Variants in WRN observed in about 807,000 individuals in gnomAD.
The protein encoded by WRN is WRN RecQ like helicase, also known as bifunctional 3'-5' exonuclease/ATP-dependent helicase WRN.
A neutral mutation model predicts 180.7 loss-of-function variants in WRN; 149 were observed. The ratio of observed to expected loss-of-function variants is 0.82; its 90% CI spans 0.72 to 0.94. The LOEUF (loss-of-function observed/expected upper bound fraction) is 0.94, where lower values mean the gene tolerates loss of function less well. Ranked by LOEUF, WRN falls within the 40% of genes least tolerant of loss-of-function variation. The pLI, the probability that WRN is intolerant of heterozygous loss-of-function variation, is 0.00. For synonymous variants in WRN, 548 were observed against 568.9 expected (o/e 0.96, Z 0.52); for missense variants, 1,661 against 1,700.1 (o/e 0.98, Z 0.40).
chr8:31,062,244 C>T (rs1293399052), intron 3 of WRN, among the ~76,000 whole-genome samples: 1 of 151,988 alleles, frequency 6.6e-6, no homozygotes, highest in African/African-American at 2.4e-5. Context: ...GTCTGGCCTC[C>T]CTTGTTATAT....
intron 28 of WRN, among the ~76,000 whole-genome samples, chr8:31,145,566 GT>G (rs1802826729): frequency 6.6e-6 from 1 of 152,160 alleles, no homozygotes; most frequent in Non-Finnish European, 1.5e-5. Context: ...GACTAACGTT[GT>G]TTTCATGCCT....
intron 1 of WRN, among the ~76,000 whole-genome samples, chr8:31,041,883 C>G (rs952693585): frequency 2.0e-5 from 3 of 152,112 alleles, no homozygotes; most frequent in Admixed American, 1.3e-4. Flanking sequence ...CAGAGTAGGT[C>G]AAGAGTTCTT....
At chr8:31,039,223 G>T (rs1368539026) in intron 1 of WRN, among the ~76,000 whole-genome samples, 1 of 152,110 alleles carries the variant, frequency 6.6e-6, no homozygotes. Context: ...CCATTTATTT[G>T]TGTTTTCTTT....
In WRN at chr8:31,088,905, C is replaced by CA; in HGVS notation, c.1593dup (p.Pro532ThrfsTer3). The CA allele has an allele frequency of 1.9e-6, 3 of 1,610,996 alleles. No homozygotes were observed. Among genetic ancestry groups the CA allele is most frequent in the Non-Finnish European group, 2.5e-6 (3 of 1,178,444 alleles). ...TTATTTCCAGACTTTTTGTGGCCAG[C>CA]ACCCAATGAAGAGCAAGTTACTTGC... On this transcript the variant is annotated frameshift_variant, in exon 13 of 35. Transcript: ENST00000298139. LOFTEE classifies it high-confidence loss of function.
intron 1 of WRN, among the ~76,000 whole-genome samples, chr8:31,036,403 G>T (rs561745801): frequency 6.6e-6 from 1 of 152,088 alleles, no homozygotes; most frequent in Non-Finnish European, 1.5e-5. Context: ...TGCTGGACCC[G>T]CTTGTAGTTC....
At chr8:31,113,444 A>G (rs1801395756) in intron 19 of WRN, among the ~76,000 whole-genome samples, 1 of 152,172 alleles carries the variant, frequency 6.6e-6, no homozygotes, top group Non-Finnish European at 1.5e-5. Flanking sequence ...TGTTCTGGCC[A>G]TTCTAGTGCT....
At chr8:31,050,913 A>C (rs1812054189) in intron 1 of WRN, among the ~76,000 whole-genome samples, 1 of 152,152 alleles carries the variant, frequency 6.6e-6, no homozygotes, top group South Asian at 2.1e-4. Context: ...ATTAACCTTT[A>C]CATATTTTGA....
intron 1 of WRN, among the ~76,000 whole-genome samples, chr8:31,048,194 C>G (rs1811942315): frequency 6.6e-6 from 1 of 152,112 alleles, no homozygotes; most frequent in Non-Finnish European, 1.5e-5. Context: ...CTACAGTTAA[C>G]CTAGATGTGA....
chr8:31,156,342 G>A (rs1803384551), intron 32 of WRN, among the ~76,000 whole-genome samples: 1 of 152,156 alleles, frequency 6.6e-6, no homozygotes, highest in Non-Finnish European at 1.5e-5. Context: ...TGATATGGTG[G>A]TATAATTATC....
chr8:31,140,857 G>A (rs971944147), intron 24 of WRN, among the ~76,000 whole-genome samples: 4 of 151,936 alleles, frequency 2.6e-5, no homozygotes, highest in East Asian at 1.9e-4. Context: ...CCAGATTCAC[G>A]CCATCCTCCT....
chr8:31,068,171 T>A, intron 6 of WRN, 87 bp from the exon 7 acceptor site: 2 of 976,360 alleles, frequency 2.0e-6, no homozygotes, highest in Non-Finnish European at 3.2e-6. Flanking sequence ...TTGTGAATCA[T>A]TCTCTTCGAT....
At chr8:31,110,007 T>C (rs1801243733) in intron 18 of WRN, among the ~76,000 whole-genome samples, 2 of 152,226 alleles carry the variant, frequency 1.3e-5, no homozygotes, top group Non-Finnish European at 2.9e-5. Context: ...TGTTTTCTTA[T>C]GGACTGTATC....
rs1801319761 is a variant in WRN at position 31,111,639 on chromosome 8, A to G, written c.2113A>G (p.Thr705Ala). The change falls in exon 19 of 35, where the codon ACT becomes GCT. Residue 705 changes from threonine to alanine, a missense_variant. This residue lies in a region of WRN where 1,141 missense variants were observed against 1,149.4 expected (regional missense o/e 0.99). Transcript: ENST00000298139. ...GGTTCCAATCGTTGCACTTACTGCTACTGCAAGTTCTTCAATCCGGGAAGA... is the reference window on the plus strand; with the variant it reads ...GGTTCCAATCGTTGCACTTACTGCTGCTGCAAGTTCTTCAATCCGGGAAGA... Reference protein sequence around the residue: ...PMVPIVALTATASSSIREDIV... With the variant: ...PMVPIVALTAAASSSIREDIV... 1.2e-6 allele frequency: 2 copies of G among 1,613,944 alleles called. No homozygotes were observed. The highest frequency in any genetic ancestry group is 1.7e-5 in the Admixed American group (1 of 59,996).
chr8:31,154,362 C>G (rs1454470825), intron 31 of WRN, among the ~76,000 whole-genome samples: 3 of 151,860 alleles, frequency 2.0e-5, no homozygotes, highest in Admixed American at 2.0e-4. Context: ...TTTAGTCCTT[C>G]TTATTCGTTA....
In WRN at chr8:31,124,932, C is replaced by A; in HGVS notation, c.2757C>A (p.Asp919Glu). ...GAATCATCTTGTCTCATTTTGAGGA[C>A]AAACAAGTACAAAAAGCCTCCTTGG... ...RRQIILSHFE[D>E]KQVQKASLGI... is the part of the protein sequence containing the mutation. The change falls in exon 23 of 35, where the codon GAC (aspartate) becomes GAA (glutamate). Residue 919 changes from aspartate (D) to glutamate (E), a missense_variant. Transcript: ENST00000298139. 6.2e-7 allele frequency: 1 copy of A among 1,612,844 alleles called. No homozygotes were observed. Among genetic ancestry groups the A allele is most frequent in the Non-Finnish European group, 8.5e-7 (1 of 1,179,348 alleles).
intron 30 of WRN, 106 bp downstream of exon 30, chr8:31,147,582 G>GTCACCTCCCA: frequency 2.9e-6 from 3 of 1,046,398 alleles, no homozygotes; most frequent in Non-Finnish European, 4.3e-6. Flanking sequence ...GTCACATCTG[G>GTCACCTCCCA]GAGGTGACTC....
At chr8:31,036,094 A>G (rs1811445039) in intron 1 of WRN, among the ~76,000 whole-genome samples, 1 of 152,178 alleles carries the variant, frequency 6.6e-6, no homozygotes, top group South Asian at 2.1e-4. Context: ...TAGCTCCCAC[A>G]TATAAGTGAG....
chr8:31,124,231 A>G (rs1315880241), intron 21 of WRN, among the ~76,000 whole-genome samples: 1 of 152,094 alleles, frequency 6.6e-6, no homozygotes, highest in Non-Finnish European at 1.5e-5. Context: ...GAAAAACCTT[A>G]GAGTTTTTGA....
intron 19 of WRN, among the ~76,000 whole-genome samples, chr8:31,115,464 A>G (rs906992182): frequency 1.3e-5 from 2 of 152,226 alleles, no homozygotes; most frequent in African/African-American, 4.8e-5. Flanking sequence ...ATGAGTGTAG[A>G]TAATGATGAA....
Sources: gnomAD v4.1 joint callset for allele counts (sites outside exome capture counted in the v4.1 genomes callset) on GRCh38, gnomAD v4.1.1 for gene constraint, gnomAD v4.1.1 regional missense constraint, MANE v1.5 for transcripts, NCBI Gene and HGNC (gene_info 2026-07-23, HGNC 2026-07-21) for gene names.